Variants in FUT8 observed in about 807,000 individuals in gnomAD.
The protein encoded by FUT8 is fucosyltransferase 8.
Under a neutral mutation model 71.3 loss-of-function variants are expected in FUT8, and 29 were observed. The observed-to-expected ratio is 0.41, with a 90% CI of 0.30 to 0.55. The LOEUF (loss-of-function observed/expected upper bound fraction) is 0.55, where lower values mean the gene tolerates loss of function less well. FUT8 is among the 20% of genes least tolerant of loss of function. The probability of loss-of-function intolerance (pLI) is 0.34; values close to 1 mark genes in which losing one functional copy is unlikely to be tolerated. For synonymous variants in FUT8, 254 were observed against 239.3 expected (o/e 1.06, Z -0.57); for missense variants, 544 against 702.1 (o/e 0.77, Z 2.55).
intron 7 of FUT8, among the ~76,000 whole-genome samples, chr14:65,688,123 A>C (rs1244616171): frequency 1.3e-5 from 2 of 152,190 alleles, no homozygotes; most frequent in African/African-American, 4.8e-5. Flanking sequence ...AGTTCACATT[A>C]GGGTTCACTT....
At position 65,652,256 on chromosome 14, in the gene FUT8, A is replaced by T. The variant is rs1014821620; in HGVS notation, c.598-16987A>T. On this transcript the variant is annotated intron_variant, in intron 6 of 10. Coordinates refer to ENST00000673929, the MANE Select transcript of FUT8 (RefSeq NM_001371533.1). This position sits in a 1 kb window ranked among gnomAD's most constrained non-coding sequence, Gnocchi z 4.0. ...GTGGACCAGAAGCTGGAAAGGCCAG[A>T]TACTCGCTTTCCTAGCACCCTCCCT... 6.6e-6 allele frequency among the ~76,000 whole-genome samples: 1 copy of T among 152,194 alleles called. No homozygotes were observed. Among genetic ancestry groups the T allele is most frequent in the African/African-American group, 2.4e-5 (1 of 41,448 alleles).
chr14:65,568,213 C>T (rs1886297307), intron 3 of FUT8, among the ~76,000 whole-genome samples: 1 of 151,388 alleles, frequency 6.6e-6, no homozygotes, highest in African/African-American at 2.4e-5. Context: ...TAAAATTGTT[C>T]TTAGTGCCAT....
chr14:65,648,678 G>A (rs976385349), intron 6 of FUT8, among the ~76,000 whole-genome samples: 30 of 152,060 alleles, frequency 2.0e-4, no homozygotes, highest in African/African-American at 6.5e-4. Flanking sequence ...GACTAATATC[G>A]GGTTCCACAA....
intron 6 of FUT8, among the ~76,000 whole-genome samples, chr14:65,648,215 C>G (rs370452463): frequency 6.6e-6 from 1 of 152,250 alleles, no homozygotes; most frequent in Non-Finnish European, 1.5e-5. Flanking sequence ...AAGATATTTA[C>G]TGTCTCCTCC....
intron 3 of FUT8, among the ~76,000 whole-genome samples, chr14:65,592,770 G>A (rs1334107972): frequency 1.3e-5 from 2 of 152,104 alleles, no homozygotes; most frequent in Non-Finnish European, 2.9e-5. Context: ...ACCTGAATGT[G>A]TTGTCAGCAT....
At chr14:65,544,953 C>G (rs897534706) in intron 2 of FUT8, among the ~76,000 whole-genome samples, 1 of 151,730 alleles carries the variant, frequency 6.6e-6, no homozygotes, top group African/African-American at 2.4e-5. Context: ...GTCTTACCCT[C>G]TTCTTCTCTC....
chr14:65,719,051 T>C (rs1034508241), intron 7 of FUT8, among the ~76,000 whole-genome samples: 6 of 152,364 alleles, frequency 3.9e-5, no homozygotes, highest in African/African-American at 1.2e-4. Flanking sequence ...ATAAACGTTC[T>C]GTTCCTATCT....
Position 65,722,068 on chromosome 14 carries a change from G to T in FUT8, c.1082+47G>T, listed in dbSNP as rs1167247642. The T allele has an allele frequency of 3.8e-6, 6 of 1,593,888 alleles. No homozygotes were observed. The South Asian group carries it at 6.7e-5, about 18-fold the overall frequency. On this transcript the variant is annotated intron_variant, in intron 8 of 10. Transcript: ENST00000673929. The stretch of plus-strand genomic sequence containing the variant: ...TCAAACTGTGATATGTAGTAGTTAG[G>T]GTTATGTATCTTTACAATATATTGT...
Position 65,616,333 on chromosome 14 carries a change from C to T in FUT8, c.442C>T (p.His148Tyr), listed in dbSNP as rs1889285238. The change falls in exon 5 of 11, where the codon CAT becomes TAT. Residue 148 changes from histidine (H) to tyrosine (Y), a missense_variant. Physicochemically the swap from His to Tyr is moderately conservative, Grantham distance 83 (BLOSUM62 2). Transcript: ENST00000673929. ...KNLEGNELQR[H>Y]ADEFLLDLGH... ...CTTAGAAGGAAATGAACTCCAAAGACATGCAGATGAATTTCTTTTGGATTT... is the reference window on the plus strand; with the variant it reads ...CTTAGAAGGAAATGAACTCCAAAGATATGCAGATGAATTTCTTTTGGATTT... The T allele has an allele frequency of 3.7e-6, 6 of 1,608,328 alleles. No homozygotes were observed. The African/African-American group carries it at 5.4e-5, about 14-fold the overall frequency.
chr14:65,491,886 CCTT>C (rs1444503456), intron 2 of FUT8, among the ~76,000 whole-genome samples: 1 of 152,080 alleles, frequency 6.6e-6, no homozygotes, highest in Non-Finnish European at 1.5e-5. Context: ...TCTTTTTGTG[CCTT>C]CTTCCTTACC....
At chr14:65,693,264 G>A (rs1893796949) in intron 7 of FUT8, among the ~76,000 whole-genome samples, 1 of 152,250 alleles carries the variant, frequency 6.6e-6, no homozygotes, top group Admixed American at 6.5e-5. Flanking sequence ...AGGCACCTCG[G>A]GAGGCCGAGG....
the FUT8 span, among the ~76,000 whole-genome samples, chr14:65,385,895 T>TA: frequency 6.6e-6 from 1 of 151,878 alleles, no homozygotes; most frequent in African/African-American, 2.4e-5. Flanking sequence ...CTCATGCCTG[T>TA]AATCCCAGCA....
the FUT8 span, among the ~76,000 whole-genome samples, chr14:65,358,093 T>G: frequency 9.9e-5 from 15 of 152,242 alleles, no homozygotes; most frequent in African/African-American, 3.6e-4. Flanking sequence ...AAGTTACAGT[T>G]AGGAAGAATA....
intron 1 of FUT8, among the ~76,000 whole-genome samples, chr14:65,430,532 ATAATAG>A (rs1332289683): frequency 1.3e-5 from 2 of 152,288 alleles, no homozygotes; most frequent in Non-Finnish European, 2.9e-5. Flanking sequence ...ATTTTTAGTC[ATAATAG>A]TAAATGAGCA....
chr14:65,687,143 C>T lies in FUT8; in HGVS notation c.835+17663C>T, dbSNP rs151279961. ...CTTTTCCCATCCTTAATAATTTTAC[C>T]AGTTACTAGGTAAATCATTCCAGGA... is the stretch of plus-strand genomic sequence containing the variant. On this transcript the variant is annotated intron_variant, in intron 7 of 10. Coordinates refer to ENST00000673929, the MANE Select transcript of FUT8 (RefSeq NM_001371533.1). Among the ~76,000 whole-genome samples, 10 of 151,772 alleles carry T rather than the reference C, an allele frequency of 6.6e-5. No homozygotes were observed. The East Asian group carries it at 7.8e-4, about 12-fold the overall frequency.
At chr14:65,417,898 G>T (rs528865868) in intron 1 of FUT8, among the ~76,000 whole-genome samples, 1 of 151,886 alleles carries the variant, frequency 6.6e-6, no homozygotes, top group East Asian at 1.9e-4. Context: ...TTATAACTTG[G>T]GTTTTTAAAA....
chr14:65,630,152 G>C (rs1890109748), intron 6 of FUT8, among the ~76,000 whole-genome samples: 1 of 152,136 alleles, frequency 6.6e-6, no homozygotes, highest in South Asian at 2.1e-4. Context: ...TGAAAGGAGG[G>C]ATGGAGAATA....
At chr14:65,695,325 A>G (rs1398169533) in intron 7 of FUT8, among the ~76,000 whole-genome samples, 1 of 152,146 alleles carries the variant, frequency 6.6e-6, no homozygotes, top group South Asian at 2.1e-4. Context: ...TACCTTATGT[A>G]TTTTGACAGT....
chr14:65,587,948 A>G (rs762775817), intron 3 of FUT8, among the ~76,000 whole-genome samples: 1 of 152,226 alleles, frequency 6.6e-6, no homozygotes, highest in Non-Finnish European at 1.5e-5. Flanking sequence ...TTAATAGATG[A>G]TGGTAATTGG....
Sources: gnomAD v4.1 joint callset for allele counts (sites outside exome capture counted in the v4.1 genomes callset) on GRCh38, gnomAD v4.1.1 for gene constraint, Gnocchi (gnomAD v3.1) non-coding constraint, MANE v1.5 for transcripts, NCBI Gene and HGNC (gene_info 2026-07-23, HGNC 2026-07-21) for gene names.